Variants in ATAD5 observed in about 807,000 individuals in gnomAD.
ATAD5 encodes ATPase family AAA domain containing 5, also known as ATPase family AAA domain-containing protein 5.
ATAD5 carries 58 observed loss-of-function variants against 176.9 expected under a neutral mutation model. That is an observed-to-expected ratio of 0.33 (90% CI 0.27 to 0.41). The LOEUF is 0.41. Among genes scored for constraint, ATAD5 ranks in the 10% least tolerant of loss-of-function variants. The pLI, the probability that ATAD5 is intolerant of heterozygous loss-of-function variation, is 1.00. For synonymous variants in ATAD5, 640 were observed against 712.6 expected (o/e 0.90, Z 1.62); for missense variants, 1,789 against 2,094.1 (o/e 0.85, Z 2.84).
chr17:30,858,771 C>T (rs531370948), intron 9 of ATAD5, among the ~76,000 whole-genome samples: 57 of 152,310 alleles, frequency 3.7e-4, no homozygotes, highest in African/African-American at 1.3e-3. Flanking sequence ...ACCTTCGCCT[C>T]CCGGGCTCAA....
At chr17:30,883,739 T>TG (rs200799832) in intron 18 of ATAD5, among the ~76,000 whole-genome samples, 2,824 of 151,926 alleles carry the variant, frequency 0.019, 106 homozygotes, top group African/African-American at 0.064. Flanking sequence ...TTAGTAGAGA[T>TG]GGGGTTTCAC....
chr17:30,878,727 T>TTTG (rs1908826303), intron 17 of ATAD5, among the ~76,000 whole-genome samples: 2 of 94,398 alleles, frequency 2.1e-5, no homozygotes, highest in African/African-American at 7.9e-5. Context: ...TGTTTTTTTT[T>TTTG]TTTTTTTTTT....
chr17:30,885,892 A>G (rs1909298599), intron 18 of ATAD5, among the ~76,000 whole-genome samples: 1 of 151,980 alleles, frequency 6.6e-6, no homozygotes, highest in South Asian at 2.1e-4. Flanking sequence ...CTGGGATTAC[A>G]TGCGTGAGCC....
At chr17:30,858,856 TTTAA>T (rs1907451431) in intron 9 of ATAD5, among the ~76,000 whole-genome samples, 1 of 152,218 alleles carries the variant, frequency 6.6e-6, no homozygotes, top group Non-Finnish European at 1.5e-5. Context: ...TATTTTATTT[TTTAA>T]TTTTTACTTA....
rs1909103078 is a variant in ATAD5, at chr17:30,882,789, T to C, written c.4077+3302T>C. 2.0e-5 allele frequency among the ~76,000 whole-genome samples: 3 copies of C among 152,184 alleles called. 1 individual carries two copies. The South Asian group carries it at 6.2e-4, about 31-fold the overall frequency. On this transcript the variant is annotated intron_variant, in intron 18 of 22. Coordinates refer to ENST00000321990, the MANE Select transcript of ATAD5 (RefSeq NM_024857.5). ...CTACAGTTAATAAAAGATCACATTTTGTATGATAATAATTGTATGAAATGT... is the reference window on the plus strand; with the variant it reads ...CTACAGTTAATAAAAGATCACATTTCGTATGATAATAATTGTATGAAATGT...
At chr17:30,862,009 A>T (rs1907665752) in intron 10 of ATAD5, 1 of 140,876 alleles carries the variant, frequency 7.1e-6, no homozygotes, top group African/African-American at 2.6e-5. Flanking sequence ...AAGTGAAGGG[A>T]TGACAATTTT....
In ATAD5 at chr17:30,839,132, C is replaced by A. The variant is rs115725387; in HGVS notation, c.2077-1485C>A. Among the ~76,000 whole-genome samples, 856 of 152,110 alleles carry A rather than the reference C, an allele frequency of 5.6e-3. 8 individuals carry two copies. Among genetic ancestry groups the A allele is most frequent in the African/African-American group, 0.02 (823 of 41,492 alleles). The stretch of plus-strand genomic sequence containing the variant: ...TTCAGGCATGAGCCACTGTGCCTGG[C>A]CAGATTTTTAATGTTTCTATGAGAA... On this transcript the variant is annotated intron_variant, in intron 3 of 22. Transcript: ENST00000321990.
chr17:30,890,560 T>A (rs895337050), intron 19 of ATAD5, among the ~76,000 whole-genome samples: 2 of 151,830 alleles, frequency 1.3e-5, no homozygotes, highest in Admixed American at 6.6e-5. Context: ...TAATTGGGTC[T>A]ACAGGCGTGT....
At chr17:30,887,796 A>G (rs557182341) in intron 19 of ATAD5, among the ~76,000 whole-genome samples, 2 of 152,246 alleles carry the variant, frequency 1.3e-5, no homozygotes, top group East Asian at 1.9e-4. Flanking sequence ...GGCCCAGACA[A>G]TAGAGCAATA....
At chr17:30,888,470 G>T (rs1268671221) in intron 19 of ATAD5, among the ~76,000 whole-genome samples, 1 of 151,864 alleles carries the variant, frequency 6.6e-6, no homozygotes, top group Non-Finnish European at 1.5e-5. Context: ...CTAGAATCTG[G>T]GAGATCGAGG....
chr17:30,865,566 G>C, intron 10 of ATAD5, 138 bp from the exon 11 acceptor site: 1 of 495,074 alleles, frequency 2.0e-6, no homozygotes, highest in South Asian at 4.1e-5. Context: ...TGTTTTAAAA[G>C]TACCTCTGGC....
At position 30,860,267 on chromosome 17, in the gene ATAD5, G is replaced by A. The variant is rs144917292; in HGVS notation, c.2957-166G>A. Among the ~76,000 whole-genome samples the A allele has an allele frequency of 2.2e-3, 338 of 152,188 alleles. 1 individual carries two copies. The highest frequency in any genetic ancestry group is 3.7e-3 in the Non-Finnish European group (253 of 68,026). On this transcript the variant is annotated intron_variant, in intron 9 of 22. Transcript: ENST00000321990. ...TTAAACGCGTAGACTCAAGCAATCCGCTCACCTCAACCTCCCAAAGTTCTG... is the reference window on the plus strand; with the variant it reads ...TTAAACGCGTAGACTCAAGCAATCCACTCACCTCAACCTCCCAAAGTTCTG...
At chr17:30,857,882 C>T (rs139287151) in intron 8 of ATAD5, among the ~76,000 whole-genome samples, 1,925 of 151,988 alleles carry the variant, frequency 0.013, 18 homozygotes, top group Non-Finnish European at 0.022. Context: ...GCTGGAATTA[C>T]AGGCACACGC....
chr17:30,850,870 T>TATATATAA (rs71142003), intron 6 of ATAD5, among the ~76,000 whole-genome samples: 2 of 12,248 alleles, frequency 1.6e-4, no homozygotes, highest in African/African-American at 2.8e-4. Flanking sequence ...TATATATATA[T>TATATATAA]TTTTTTTTTT....
chr17:30,869,886 G>A (rs765956857), intron 14 of ATAD5: 27 of 434,848 alleles, frequency 6.2e-5, no homozygotes, highest in South Asian at 1.6e-4. Context: ...CTATAATATC[G>A]TAATCAGACC....
chr17:30,835,136 A>G lies in ATAD5; in HGVS notation c.1055A>G (p.Glu352Gly). ...TTGAAACAAAAGCAATTTGAAATGG[A>G]AAATAGTTTATCTGATCCTGAGAAT... Reference protein sequence around the residue: ...IFLKQKQFEMENSLSDPENEQ... With the variant: ...IFLKQKQFEMGNSLSDPENEQ... The change falls in exon 2 of 23, where the codon GAA (glutamate) becomes GGA (glycine). Residue 352 changes from glutamate to glycine, a missense_variant. Physicochemically the swap from Glu to Gly is moderately conservative, Grantham distance 98. Transcript: ENST00000321990. 1 of 1,614,156 alleles carries G rather than the reference A, an allele frequency of 6.2e-7. No individual in the cohort carries two copies. Among genetic ancestry groups the G allele is most frequent in the Non-Finnish European group, 8.5e-7 (1 of 1,180,006 alleles).
At chr17:30,850,661 TCCA>T (rs1169871560) in intron 6 of ATAD5, among the ~76,000 whole-genome samples, 2 of 151,104 alleles carry the variant, frequency 1.3e-5, no homozygotes, top group African/African-American at 4.9e-5. Context: ...CGTAATATCC[TCCA>T]AGCTCTAAGA....
chr17:30,857,043 A>G lies in ATAD5; in HGVS notation c.2724A>G (p.Lys908=). 6.2e-7 allele frequency: 1 copy of G among 1,611,046 alleles called. No individual in the cohort carries two copies. The highest frequency in any genetic ancestry group is 1.3e-5 in the African/African-American group (1 of 74,890). Residue 908 remains lysine (K), a synonymous_variant, in exon 8 of 23, where the codon AAA becomes AAG. Coordinates refer to ENST00000321990, the MANE Select transcript of ATAD5 (RefSeq NM_024857.5). ...ACACTAAAGTAATAGATCTCTCAAAATGTGGTATTGCTCTTGGTGAATTTT... is the reference window on the plus strand; with the variant it reads ...ACACTAAAGTAATAGATCTCTCAAAGTGTGGTATTGCTCTTGGTGAATTTT... The part of the protein sequence containing the change: ...ELNTKVIDLS[K]CGIALGEFST...
Position 30,834,427 on chromosome 17 carries a change from A to C in ATAD5, c.346A>C (p.Arg116=). ...TGTAGAGTTTAAGAAGAAAAGAAAG[A>C]GGGTTAATTTATCTCATCAACTAAA... The part of the protein sequence containing the change: ...SNVEFKKKRK[R]VNLSHQLNNI... The change falls in exon 2 of 23, where the codon AGG becomes CGG. Residue 116 remains arginine, a synonymous_variant. Coordinates refer to ENST00000321990, the MANE Select transcript of ATAD5 (RefSeq NM_024857.5). The C allele has an allele frequency of 6.3e-7, 1 of 1,599,066 alleles. No homozygotes were observed. Among genetic ancestry groups the C allele is most frequent in the Non-Finnish European group, 8.5e-7 (1 of 1,174,206 alleles).
Sources: gnomAD v4.1 joint callset for allele counts (sites outside exome capture counted in the v4.1 genomes callset) on GRCh38, gnomAD v4.1.1 for gene constraint, MANE v1.5 for transcripts, NCBI Gene and HGNC (gene_info 2026-07-23, HGNC 2026-07-21) for gene names.